Variants in TRABD2B observed in about 807,000 individuals in gnomAD.
TRABD2B encodes the protein metalloprotease TIKI2.
TRABD2B carries 14 observed loss-of-function variants against 40.1 expected under a neutral mutation model. The ratio of observed to expected loss-of-function variants is 0.35; its 90% CI spans 0.23 to 0.55. The LOEUF (loss-of-function observed/expected upper bound fraction) is 0.55, where lower values mean the gene tolerates loss of function less well. TRABD2B is among the 20% of genes least tolerant of loss of function. TRABD2B has a pLI of 0.90. For synonymous variants in TRABD2B, 263 were observed against 277.0 expected, an observed-to-expected ratio of 0.95 and a Z score of 0.50; for missense variants, 541 against 648.6, an observed-to-expected ratio of 0.83 and a Z score of 1.80.
rs560746049 is a variant in TRABD2B, at chr1:47,944,501, A to G, written c.666+49533T>C. 1.5e-4 allele frequency among the ~76,000 whole-genome samples: 23 copies of G among 152,348 alleles called. 1 individual carries two copies. The South Asian group carries it at 4.6e-3, about 30-fold the overall frequency. On this transcript the variant is annotated intron_variant, in intron 2 of 6. Coordinates refer to ENST00000606738, the MANE Select transcript of TRABD2B (RefSeq NM_001194986.2). ...AAAGGCAAAGGACAGAAGAAGCACAAGTAGGCAAGGAAAAAGTTGACTGTA... is the reference window on the plus strand; with the variant it reads ...AAAGGCAAAGGACAGAAGAAGCACAGGTAGGCAAGGAAAAAGTTGACTGTA...
At chr1:47,919,055 C>T (rs74381191) in intron 2 of TRABD2B, among the ~76,000 whole-genome samples, 4 of 152,192 alleles carry the variant, frequency 2.6e-5, no homozygotes, top group East Asian at 1.9e-4. Context: ...TCCCGCGGTC[C>T]GCCAAGCTGC....
At chr1:47,924,739 C>A (rs541539680) in intron 2 of TRABD2B, among the ~76,000 whole-genome samples, 1 of 152,288 alleles carries the variant, frequency 6.6e-6, no homozygotes, top group African/African-American at 2.4e-5. Context: ...AAACCTCTTC[C>A]CACCACTCTG....
At chr1:47,855,707 G>A (rs1239519320) in intron 2 of TRABD2B, among the ~76,000 whole-genome samples, 1 of 152,218 alleles carries the variant, frequency 6.6e-6, no homozygotes, top group Non-Finnish European at 1.5e-5. Context: ...GGCTTTGGGA[G>A]GTAATCAGGT....
chr1:47,909,862 G>T (rs150142581), intron 2 of TRABD2B, among the ~76,000 whole-genome samples: 132,178 of 132,178 alleles, frequency 1, 66,089 homozygotes, highest in Non-Finnish European at 1. Context: ...TTGTATTTAT[G>T]TACTTATTTT....
intron 2 of TRABD2B, among the ~76,000 whole-genome samples, chr1:47,960,117 A>C (rs1645489078): frequency 6.6e-6 from 1 of 152,218 alleles, no homozygotes; most frequent in Non-Finnish European, 1.5e-5. Context: ...CAAAAACCAC[A>C]TGATTATCTC....
intron 4 of TRABD2B, among the ~76,000 whole-genome samples, chr1:47,785,638 C>A (rs1040794628): frequency 2.0e-5 from 3 of 152,204 alleles, no homozygotes. Context: ...AGGCATGGCA[C>A]GGGGTGCATC....
intron 2 of TRABD2B, chr1:47,819,448 AG>A (rs1472555393): frequency 6.6e-6 from 1 of 152,244 alleles, no homozygotes; most frequent in Non-Finnish European, 1.5e-5. Context: ...GGTCCCCAGG[AG>A]GCTTGCTAAA....
chr1:47,851,641 G>A (rs556336838), intron 2 of TRABD2B, among the ~76,000 whole-genome samples: 1 of 152,334 alleles, frequency 6.6e-6, no homozygotes, highest in South Asian at 2.1e-4. Context: ...GCTCGGACAA[G>A]TGATATTCAG....
intron 2 of TRABD2B, among the ~76,000 whole-genome samples, chr1:47,954,013 T>A (rs1308215487): frequency 2.0e-5 from 3 of 152,244 alleles, no homozygotes; most frequent in African/African-American, 7.2e-5. Flanking sequence ...TAATTCAAAC[T>A]GGCATTTCTT....
At chr1:47,888,948 T>C (rs1644408806) in intron 2 of TRABD2B, among the ~76,000 whole-genome samples, 1 of 152,186 alleles carries the variant, frequency 6.6e-6, no homozygotes, top group Non-Finnish European at 1.5e-5. Context: ...CTAGGTCAGG[T>C]GCCTGTGGCC....
intron 2 of TRABD2B, among the ~76,000 whole-genome samples, chr1:47,892,894 T>C (rs1644467310): frequency 6.6e-6 from 1 of 152,146 alleles, no homozygotes. Flanking sequence ...TTTTAGAGCC[T>C]TGGGAAGTGC....
intron 2 of TRABD2B, among the ~76,000 whole-genome samples, chr1:47,830,002 G>A (rs1403267281): frequency 1.3e-5 from 2 of 151,386 alleles, no homozygotes; most frequent in East Asian, 1.9e-4. Flanking sequence ...CACCCCCCAA[G>A]CCTCTTCCAT....
At chr1:47,835,725 G>C (rs1027205608) in intron 2 of TRABD2B, among the ~76,000 whole-genome samples, 1 of 152,190 alleles carries the variant, frequency 6.6e-6, no homozygotes, top group Non-Finnish European at 1.5e-5. Flanking sequence ...CAAATATTGA[G>C]ATAATTTGTA....
At position 47,813,951 on chromosome 1, in the gene TRABD2B, C is replaced by A. The variant is rs17424871; in HGVS notation, c.667-12332G>T. Among the ~76,000 whole-genome samples, 1 of 152,134 alleles carries A rather than the reference C, an allele frequency of 6.6e-6. No individual in the cohort carries two copies. The highest frequency in any genetic ancestry group is 1.5e-5 in the Non-Finnish European group (1 of 68,034). ...AGGGAGGAAGTTCCAGGAAGACTTGCGACAAGATCAAGTAACATTCATTAA... is the reference window on the plus strand; with the variant it reads ...AGGGAGGAAGTTCCAGGAAGACTTGAGACAAGATCAAGTAACATTCATTAA... On this transcript the variant is annotated intron_variant, in intron 2 of 6. Transcript: ENST00000606738. The surrounding 1 kb of genome is among the most constrained non-coding windows in gnomAD (Gnocchi z 4.3).
chr1:47,787,044 G>T (rs1158934365), intron 4 of TRABD2B, among the ~76,000 whole-genome samples: 1 of 152,104 alleles, frequency 6.6e-6, no homozygotes, highest in Non-Finnish European at 1.5e-5. Flanking sequence ...CTATATGGAC[G>T]ATGGCCGCTC....
At chr1:47,969,802 T>C (rs1436214750) in intron 2 of TRABD2B, among the ~76,000 whole-genome samples, 1 of 152,138 alleles carries the variant, frequency 6.6e-6, no homozygotes, top group Non-Finnish European at 1.5e-5. Flanking sequence ...GGAGGACAAG[T>C]GATGCTGTCC....
At chr1:47,834,120 T>C (rs1645286969) in intron 2 of TRABD2B, among the ~76,000 whole-genome samples, 1 of 152,218 alleles carries the variant, frequency 6.6e-6, no homozygotes, top group Admixed American at 6.5e-5. Flanking sequence ...CTATCACTGT[T>C]TGACCCATCT....
intron 2 of TRABD2B, among the ~76,000 whole-genome samples, chr1:47,814,663 C>T (rs761306971): frequency 3.9e-5 from 6 of 152,160 alleles, no homozygotes; most frequent in Non-Finnish European, 8.8e-5. Context: ...CCTTGAGCCC[C>T]ACTTGAGGGA....
At chr1:47,884,775 C>T (rs1398934483) in intron 2 of TRABD2B, among the ~76,000 whole-genome samples, 1 of 151,986 alleles carries the variant, frequency 6.6e-6, no homozygotes, top group African/African-American at 2.4e-5. Context: ...GCCACTATGC[C>T]CGGCTAATTT....
Sources: allele counts gnomAD v4.1 joint callset (sites outside exome capture counted in the v4.1 genomes callset), GRCh38; gene constraint gnomAD v4.1.1; non-coding constraint Gnocchi (gnomAD v3.1); transcripts MANE v1.5; gene names NCBI Gene and HGNC (gene_info 2026-07-23, HGNC 2026-07-21).